The following ROBO1 variants were observed in gnomAD, a reference collection of about 807,000 sequenced individuals.
The protein encoded by ROBO1 is roundabout homolog 1.
Under a neutral mutation model 195.9 loss-of-function variants are expected in ROBO1, and 149 were observed. That is an observed-to-expected ratio of 0.76 (90% CI 0.67 to 0.87). The LOEUF (loss-of-function observed/expected upper bound fraction) is 0.87. Ranked by LOEUF, ROBO1 falls within the 40% of genes least tolerant of loss-of-function variation. The pLI, the probability that ROBO1 is intolerant of heterozygous loss-of-function variation, is 0.00. For synonymous variants in ROBO1, 816 were observed against 733.2 expected (o/e 1.11, Z -1.82); for missense variants, 1,933 against 2,068.3 (o/e 0.93, Z 1.27).
chr3:79,714,011 T>C (rs541687474), intron 1 of ROBO1, among the ~76,000 whole-genome samples: 1 of 152,248 alleles, frequency 6.6e-6, no homozygotes, highest in Admixed American at 6.6e-5. Flanking sequence ...GTAGTATAGT[T>C]TGAAGTCATG....
chr3:79,118,579 T>A (rs2080052986), intron 3 of ROBO1, among the ~76,000 whole-genome samples: 2 of 152,148 alleles, frequency 1.3e-5, no homozygotes, highest in South Asian at 4.1e-4. Context: ...GCTTATATTT[T>A]AAAAATTGGG....
In ROBO1 at chr3:78,597,440, T is replaced by C. The variant is rs1371569269; in HGVS notation, c.*1473A>G. The C allele has an allele frequency of 1.3e-5, 2 of 152,592 alleles. No homozygotes were observed. The highest frequency in any genetic ancestry group is 1.3e-4 in the Admixed American group (2 of 15,278). The allele number at this position is 152,592 out of a possible 1,614,324, so 9.5% of individuals were successfully genotyped here. A position where few individuals can be genotyped will look rare whatever the true frequency, so the allele number is the denominator to read the frequency against. ...AATTATCTAAATGAACAAGTTTGGT[T>C]TTGGTGAACACCAGCCTTTTTTTTT... On this transcript the variant is annotated 3_prime_UTR_variant, in exon 31 of 31. Coordinates refer to ENST00000464233, the MANE Select transcript of ROBO1 (RefSeq NM_002941.4).
chr3:79,185,173 G>A (rs931163922), intron 2 of ROBO1, among the ~76,000 whole-genome samples: 4 of 152,072 alleles, frequency 2.6e-5, no homozygotes, highest in African/African-American at 7.2e-5. Context: ...CTACTAACCC[G>A]ATCTAGATAA....
At chr3:79,218,654 A>C (rs1476589722) in intron 2 of ROBO1, among the ~76,000 whole-genome samples, 1 of 152,022 alleles carries the variant, frequency 6.6e-6, no homozygotes, top group Non-Finnish European at 1.5e-5. Context: ...GTTACAGTTG[A>C]AGGTTTTTCT....
At chr3:79,184,566 G>T (rs950761409) in intron 2 of ROBO1, among the ~76,000 whole-genome samples, 3 of 152,132 alleles carry the variant, frequency 2.0e-5, no homozygotes, top group African/African-American at 7.2e-5. Context: ...TGTGGACAAT[G>T]GAGTTGGTTC....
At position 78,901,999 on chromosome 3, in the gene ROBO1, C is replaced by T. The variant is rs572369387; in HGVS notation, c.499+36602G>A. 2.0e-5 allele frequency among the ~76,000 whole-genome samples: 3 copies of T among 152,230 alleles called. No individual in the cohort carries two copies. The East Asian group carries it at 5.8e-4, about 29-fold the overall frequency. ...CAGCATATTACATTTTATTTTCTTA[C>T]AGACCACATCCATCTCAACCTCTGG... On this transcript the variant is annotated intron_variant, in intron 4 of 30. Coordinates refer to ENST00000464233, the MANE Select transcript of ROBO1 (RefSeq NM_002941.4).
At chr3:78,718,431 G>A (rs192353510) in intron 5 of ROBO1, among the ~76,000 whole-genome samples, 8 of 152,158 alleles carry the variant, frequency 5.3e-5, no homozygotes, top group South Asian at 4.1e-4. Flanking sequence ...CCTTAAAAAC[G>A]TGATGTTGCT....
chr3:79,184,693 A>G (rs1449120265), intron 2 of ROBO1, among the ~76,000 whole-genome samples: 1 of 152,160 alleles, frequency 6.6e-6, no homozygotes, highest in African/African-American at 2.4e-5. Context: ...TGCATTAAGG[A>G]AAGGAATCTC....
intron 3 of ROBO1, among the ~76,000 whole-genome samples, chr3:79,031,436 G>C (rs1386352299): frequency 6.6e-6 from 1 of 152,150 alleles, no homozygotes; most frequent in Non-Finnish European, 1.5e-5. Context: ...ACTTAAACTT[G>C]CTCTTTGGAG....
chr3:78,601,381 G>C (rs1375882517), intron 29 of ROBO1, among the ~76,000 whole-genome samples: 1 of 152,160 alleles, frequency 6.6e-6, no homozygotes, highest in Non-Finnish European at 1.5e-5. Flanking sequence ...AGTCTTCCTT[G>C]ATAGCGTCTT....
intron 1 of ROBO1, among the ~76,000 whole-genome samples, chr3:79,730,004 TAG>T (rs1209607124): frequency 6.6e-6 from 1 of 152,210 alleles, no homozygotes; most frequent in African/African-American, 2.4e-5. Context: ...CTAAATTCAT[TAG>T]AGAGATAATT....
chr3:79,090,882 C>T (rs1034668217), intron 3 of ROBO1, among the ~76,000 whole-genome samples: 1 of 152,046 alleles, frequency 6.6e-6, no homozygotes, highest in African/African-American at 2.4e-5. Flanking sequence ...TGTTTAAATT[C>T]TGCTTTACAT....
chr3:78,776,151 G>A (rs1400978035), intron 4 of ROBO1, among the ~76,000 whole-genome samples: 2 of 152,088 alleles, frequency 1.3e-5, no homozygotes, highest in East Asian at 3.9e-4. Context: ...CTAGTTTTAA[G>A]GGAATAGTAG....
intron 4 of ROBO1, among the ~76,000 whole-genome samples, chr3:78,819,065 G>T (rs1263903654): frequency 1.3e-5 from 2 of 152,132 alleles, no homozygotes; most frequent in African/African-American, 4.8e-5. Flanking sequence ...ACCATTGGGG[G>T]TCTTGGAACA....
At chr3:79,767,676 T>G (rs950871639) in intron 1 of ROBO1, 76 bp downstream of exon 1, 1 of 152,224 alleles carries the variant, frequency 6.6e-6, no homozygotes, top group African/African-American at 2.4e-5. Context: ...CAACCACTAG[T>G]GTAAAACCCA....
chr3:79,380,912 G>T (rs1395299922), intron 2 of ROBO1, among the ~76,000 whole-genome samples: 1 of 152,154 alleles, frequency 6.6e-6, no homozygotes, highest in Admixed American at 6.5e-5. Context: ...TCTTGAGTGA[G>T]AAGTATGTGG....
chr3:78,630,872 T>C (rs1705136352), intron 25 of ROBO1, among the ~76,000 whole-genome samples: 1 of 152,148 alleles, frequency 6.6e-6, no homozygotes, highest in East Asian at 1.9e-4. Flanking sequence ...AAATTATATA[T>C]CCATATGTTA....
intron 3 of ROBO1, among the ~76,000 whole-genome samples, chr3:78,991,504 G>A (rs2077236608): frequency 6.6e-6 from 1 of 152,120 alleles, no homozygotes; most frequent in Admixed American, 6.6e-5. Context: ...CAGGCAGCTG[G>A]CATTTACCTC....
At chr3:78,669,860 C>T (rs971581315) in intron 11 of ROBO1, among the ~76,000 whole-genome samples, 16 of 152,154 alleles carry the variant, frequency 1.1e-4, no homozygotes, top group African/African-American at 3.1e-4. Context: ...TCTTAGAAAT[C>T]CTTTCTTCTC....
Sources: allele counts gnomAD v4.1 joint callset (sites outside exome capture counted in the v4.1 genomes callset), GRCh38; gene constraint gnomAD v4.1.1; transcripts MANE v1.5; gene names NCBI Gene and HGNC (gene_info 2026-07-23, HGNC 2026-07-21).